UBR3: variants seen among roughly 807,000 people sequenced by gnomAD.
UBR3 encodes the protein ubiquitin protein ligase E3 component n-recognin 3.
UBR3 carries 85 observed loss-of-function variants against 243.2 expected under a neutral mutation model. That is an observed-to-expected ratio of 0.35 (90% confidence interval 0.29 to 0.42). The LOEUF is 0.42. Ranked by LOEUF, UBR3 falls within the 10% of genes least tolerant of loss-of-function variation. The probability of loss-of-function intolerance (pLI) is 1.00; values close to 1 mark genes in which losing one functional copy is unlikely to be tolerated. For synonymous variants in UBR3, 748 were observed against 799.8 expected, an observed-to-expected ratio of 0.94 and a Z score of 1.09; for missense variants, 1,686 against 2,300.8, an observed-to-expected ratio of 0.73 and a Z score of 5.47.
Position 169,875,954 on chromosome 2 carries a change from G to A in UBR3, c.844+5G>A. ...ACTACAAAGATCTGACTTCTGGTGA[G>A]TAAAATGTTAGAAGAAATTTATAGT... On this transcript the variant is annotated splice_donor_5th_base_variant and intron_variant, in intron 3 of 38. Transcript: ENST00000272793. 6.7e-7 allele frequency: 1 copy of A among 1,490,352 alleles called. No homozygotes were observed. Among genetic ancestry groups the A allele is most frequent in the Non-Finnish European group, 8.9e-7 (1 of 1,123,032 alleles). The allele number at this position is 1,490,352 out of a possible 1,614,324, so 92.3% of individuals were successfully genotyped here. A position where few individuals can be genotyped will look rare whatever the true frequency, so the allele number is the denominator to read the frequency against.
intron 3 of UBR3, among the ~76,000 whole-genome samples, chr2:169,876,541 G>T (rs148299296): frequency 0.043 from 6,555 of 151,002 alleles, 162 homozygotes; most frequent in Middle Eastern, 0.068. Context: ...TTATTGTATT[G>T]TATTGTATTG....
chr2:169,833,519 CA>C (rs1434374108), intron 1 of UBR3, among the ~76,000 whole-genome samples: 1 of 152,092 alleles, frequency 6.6e-6, no homozygotes, highest in Admixed American at 6.6e-5. Flanking sequence ...CTGCTATACC[CA>C]AAAAGTTACT....
In UBR3 at chr2:170,083,111, A is replaced by G. The variant is rs1366412144; in HGVS notation, c.*1268A>G. 5 of 152,578 alleles carry G rather than the reference A, an allele frequency of 3.3e-5. No homozygotes were observed. Among genetic ancestry groups the G allele is most frequent in the Non-Finnish European group, 4.4e-5 (3 of 68,008 alleles). The allele number at this position is 152,578 out of a possible 1,614,324, so 9.5% of individuals were successfully genotyped here. ...TATCAAGCAATCCCTGGTACTTTGG[A>G]CTTCCATGGCTTGTTATATAAAATT... is the stretch of plus-strand genomic sequence containing the variant. On this transcript the variant is annotated 3_prime_UTR_variant, in exon 39 of 39. Transcript: ENST00000272793.
At chr2:169,953,852 C>T (rs1233859709) in intron 23 of UBR3, among the ~76,000 whole-genome samples, 1 of 152,134 alleles carries the variant, frequency 6.6e-6, no homozygotes, top group Non-Finnish European at 1.5e-5. Flanking sequence ...GATTTACGAA[C>T]TAGTGATTCA....
rs144060902 is a variant in UBR3, at chr2:170,055,991, A to C, written c.4785+407A>C. 1.5e-3 allele frequency among the ~76,000 whole-genome samples: 218 copies of C among 142,032 alleles called. 6 individuals are homozygous for C. In the East Asian group the frequency reaches 0.037, roughly 24 times the overall value. 93.2% of individuals were successfully genotyped at this position (142,032 alleles called of 152,430 possible). On this transcript the variant is annotated intron_variant, in intron 33 of 38. Coordinates refer to ENST00000272793, the MANE Select transcript of UBR3 (RefSeq NM_172070.4). ...GCACCACTTCTAAATTTAAAATCCT[A>C]GTCTTTTCTTTCTTTTTTTTTTTTT...
At chr2:169,917,332 C>T (rs907076208) in intron 11 of UBR3, among the ~76,000 whole-genome samples, 4 of 152,220 alleles carry the variant, frequency 2.6e-5, no homozygotes, top group African/African-American at 9.6e-5. Context: ...TCACCCTGTC[C>T]AGGGTCAGTC....
intron 27 of UBR3, among the ~76,000 whole-genome samples, chr2:170,002,154 G>A (rs913123727): frequency 3.3e-5 from 5 of 151,832 alleles, no homozygotes; most frequent in African/African-American, 1.2e-4. Context: ...TAGTGTATTA[G>A]CTCTTTGCTA....
intron 32 of UBR3, among the ~76,000 whole-genome samples, chr2:170,042,193 G>A (rs2090985271): frequency 6.6e-6 from 1 of 152,056 alleles, no homozygotes; most frequent in Admixed American, 6.5e-5. Flanking sequence ...TGCCTATACT[G>A]GATATTTTGT....
chr2:170,077,649 G>C (rs1409488323), intron 36 of UBR3: 3 of 408,458 alleles, frequency 7.3e-6, no homozygotes, highest in Non-Finnish European at 1.3e-5. Context: ...GCAGTAGAGC[G>C]ATCTTGGCTT....
At chr2:169,897,974 A>G (rs1157602130) in intron 8 of UBR3, among the ~76,000 whole-genome samples, 1 of 152,192 alleles carries the variant, frequency 6.6e-6, no homozygotes, top group Non-Finnish European at 1.5e-5. Flanking sequence ...GCCATAGGTT[A>G]TACAGCCAGC....
chr2:169,876,867 C>T (rs1228040224), intron 3 of UBR3, among the ~76,000 whole-genome samples: 3 of 152,136 alleles, frequency 2.0e-5, no homozygotes, highest in Admixed American at 6.5e-5. Context: ...CCCGGCCCTA[C>T]GTCTCTTTCT....
chr2:169,981,766 G>T (rs956709602), intron 24 of UBR3, among the ~76,000 whole-genome samples: 2 of 152,006 alleles, frequency 1.3e-5, no homozygotes, highest in African/African-American at 4.8e-5. Context: ...CTGTGGGGGG[G>T]AGGGTACATG....
intron 24 of UBR3, among the ~76,000 whole-genome samples, chr2:169,975,788 C>T (rs920119033): frequency 6.6e-6 from 1 of 151,880 alleles, no homozygotes; most frequent in Non-Finnish European, 1.5e-5. Context: ...AAGAGAGCAG[C>T]AAGACTCTGT....
intron 1 of UBR3, among the ~76,000 whole-genome samples, chr2:169,855,903 C>T (rs1559024842): frequency 6.6e-6 from 1 of 152,108 alleles, no homozygotes; most frequent in Non-Finnish European, 1.5e-5. Flanking sequence ...AGAGGGGCTC[C>T]TCACTTCCCA....
chr2:169,877,507 T>C lies in UBR3; in HGVS notation c.858T>C (p.Asn286=), dbSNP rs2083661450. 1 of 1,528,254 alleles carries C rather than the reference T, an allele frequency of 6.5e-7. No individual in the cohort carries two copies. The highest frequency in any genetic ancestry group is 1.3e-5 in the South Asian group (1 of 78,960). 94.7% of individuals were successfully genotyped at this position (1,528,254 alleles called of 1,614,324 possible). A position where few individuals can be genotyped will look rare whatever the true frequency, so the allele number is the denominator to read the frequency against. Reference sequence around the variant, plus strand: ...TGTTTTAATTAGGTCTTGGAGAAAATGCTTGTGTAAAGAAAAGTCATGAAA... The same window carrying C: ...TGTTTTAATTAGGTCTTGGAGAAAACGCTTGTGTAAAGAAAAGTCATGAAA... ...YKDLTSGLGE[N]ACVKKSHEKY... The change falls in exon 4 of 39, where the codon AAT becomes AAC. Residue 286 remains asparagine, a synonymous_variant. Transcript: ENST00000272793.
chr2:169,936,698 T>A (rs1206838133), intron 19 of UBR3, among the ~76,000 whole-genome samples: 2 of 146,318 alleles, frequency 1.4e-5, no homozygotes, highest in Non-Finnish European at 3.0e-5. Flanking sequence ...CAGGGCCCGG[T>A]GTGTGATGTT....
intron 19 of UBR3, among the ~76,000 whole-genome samples, chr2:169,938,315 G>T (rs1254507364): frequency 1.3e-5 from 2 of 150,850 alleles, no homozygotes; most frequent in Non-Finnish European, 2.9e-5. Flanking sequence ...TGTTGCCCAG[G>T]CTGGTGGCAT....
At chr2:170,030,960 CTTA>C (rs1009064268) in intron 31 of UBR3, among the ~76,000 whole-genome samples, 1 of 151,894 alleles carries the variant, frequency 6.6e-6, no homozygotes. Context: ...TGGTCTTTTC[CTTA>C]TTATTATTTT....
intron 26 of UBR3, among the ~76,000 whole-genome samples, chr2:169,998,763 C>T (rs1487927927): frequency 6.6e-6 from 1 of 152,164 alleles, no homozygotes; most frequent in Admixed American, 6.5e-5. Flanking sequence ...TTATATAAGA[C>T]AGTGCATTCA....
Sources: gnomAD v4.1 joint callset for allele counts (sites outside exome capture counted in the v4.1 genomes callset) on GRCh38, gnomAD v4.1.1 for gene constraint, MANE v1.5 for transcripts, NCBI Gene and HGNC (gene_info 2026-07-23, HGNC 2026-07-21) for gene names.